The following KCNIP4 variants were observed in gnomAD, a reference collection of about 807,000 sequenced individuals.
KCNIP4 encodes the protein potassium voltage-gated channel interacting protein 4, also known as Kv channel-interacting protein 4.
In KCNIP4, 12 loss-of-function variants were observed where a neutral mutation model predicts 34.0. The observed-to-expected ratio is 0.35, with a 90% CI of 0.23 to 0.57. The LOEUF is 0.57. Among genes scored for constraint, KCNIP4 ranks in the 20% least tolerant of loss-of-function variants. The pLI is 0.83. For synonymous variants in KCNIP4, 124 were observed against 102.2 expected, an observed-to-expected ratio of 1.21 and a Z score of -1.29; for missense variants, 238 against 311.7, an observed-to-expected ratio of 0.76 and a Z score of 1.78.
chr4:21,878,540 C>A (rs1726275093), intron 1 of KCNIP4, among the ~76,000 whole-genome samples: 1 of 152,188 alleles, frequency 6.6e-6, no homozygotes. Flanking sequence ...TATGTACTTT[C>A]TCTGCAAATT....
chr4:21,241,349 A>G (rs568426143), intron 1 of KCNIP4, among the ~76,000 whole-genome samples: 1 of 152,308 alleles, frequency 6.6e-6, no homozygotes, highest in South Asian at 2.1e-4. Flanking sequence ...TTTTCTTTGC[A>G]ATCAGTTAAA....
At chr4:21,866,762 A>ATTTTTTTTTTTT (rs770568451) in intron 1 of KCNIP4, among the ~76,000 whole-genome samples, 1 of 82,698 alleles carries the variant, frequency 1.2e-5, no homozygotes, top group Non-Finnish European at 2.1e-5. Flanking sequence ...TTCAGCCTGG[A>ATTTTTTTTTTTT]TTTTTTTTTT....
intron 1 of KCNIP4, among the ~76,000 whole-genome samples, chr4:21,527,323 A>T (rs182401299): frequency 9.3e-4 from 142 of 152,244 alleles, no homozygotes; most frequent in African/African-American, 2.9e-3. Context: ...TATTTTTTTT[A>T]AAACAAGCAA....
intron 1 of KCNIP4, among the ~76,000 whole-genome samples, chr4:21,109,518 A>G (rs1033437811): frequency 1.3e-5 from 2 of 152,134 alleles, no homozygotes; most frequent in African/African-American, 4.8e-5. Flanking sequence ...CCTTTCTTTG[A>G]CTAGGAAAGG....
At chr4:20,914,905 T>C (rs1027823988) in intron 1 of KCNIP4, among the ~76,000 whole-genome samples, 2 of 152,208 alleles carry the variant, frequency 1.3e-5, no homozygotes, top group Admixed American at 6.5e-5. Flanking sequence ...GAAACCTGCC[T>C]TTGCACTAGG....
At chr4:20,738,093 G>A (rs1267355699) in intron 5 of KCNIP4, among the ~76,000 whole-genome samples, 1 of 151,022 alleles carries the variant, frequency 6.6e-6, no homozygotes, top group Non-Finnish European at 1.5e-5. Context: ...TTGCACCACT[G>A]TGCTTCAGCC....
chr4:21,879,529 G>A (rs982088514), intron 1 of KCNIP4, among the ~76,000 whole-genome samples: 5 of 152,168 alleles, frequency 3.3e-5, no homozygotes, highest in African/African-American at 4.8e-5. Context: ...TAACTCAATA[G>A]ATCGACTTCA....
At chr4:21,707,793 G>A (rs1713400025) in intron 1 of KCNIP4, among the ~76,000 whole-genome samples, 1 of 152,032 alleles carries the variant, frequency 6.6e-6, no homozygotes, top group Non-Finnish European at 1.5e-5. Context: ...AAAAAGGAAA[G>A]GTTGAGGGGT....
rs552099226 is a variant in KCNIP4 at position 20,899,592 on chromosome 4, A to C, written c.62-16883T>G. 2.6e-5 allele frequency among the ~76,000 whole-genome samples: 4 copies of C among 152,320 alleles called. No homozygotes were observed. The South Asian group carries it at 8.3e-4, about 32-fold the overall frequency. On this transcript the variant is annotated intron_variant, in intron 1 of 8. Transcript: ENST00000382152. The stretch of plus-strand genomic sequence containing the variant: ...CAAAGTGAAGTCACATTTTGTATGC[A>C]ATTTTGAAATAGGACCCTATAAATA...
intron 1 of KCNIP4, among the ~76,000 whole-genome samples, chr4:21,182,840 T>C (rs192729591): frequency 3.3e-5 from 5 of 152,272 alleles, no homozygotes; most frequent in Non-Finnish European, 7.4e-5. Context: ...TCAAGAGAGA[T>C]AATTTACATA....
intron 1 of KCNIP4, among the ~76,000 whole-genome samples, chr4:21,241,826 C>T (rs1482647068): frequency 2.1e-4 from 32 of 151,960 alleles, no homozygotes; most frequent in Admixed American, 2.0e-3. Context: ...AATATTTATC[C>T]GCAAAAACTG....
intron 1 of KCNIP4, among the ~76,000 whole-genome samples, chr4:21,412,673 G>A (rs1187902112): frequency 2.6e-5 from 4 of 152,132 alleles, no homozygotes; most frequent in Non-Finnish European, 4.4e-5. Flanking sequence ...ATATGTAGAT[G>A]CCTTTTAAAT....
At chr4:21,034,233 G>C (rs1408582453) in intron 1 of KCNIP4, among the ~76,000 whole-genome samples, 2 of 152,132 alleles carry the variant, frequency 1.3e-5, no homozygotes. Flanking sequence ...TAGAATTCTA[G>C]CAGAGAACAG....
chr4:20,908,476 A>G (rs944658094), intron 1 of KCNIP4, among the ~76,000 whole-genome samples: 3 of 152,190 alleles, frequency 2.0e-5, no homozygotes, highest in African/African-American at 7.2e-5. Flanking sequence ...CTATGCTGAA[A>G]ATTCATTTGG....
intron 1 of KCNIP4, among the ~76,000 whole-genome samples, chr4:20,910,960 A>G (rs1728273446): frequency 6.6e-6 from 1 of 152,170 alleles, no homozygotes; most frequent in Admixed American, 6.5e-5. Context: ...ATATTAAAAA[A>G]AGGGATATCT....
intron 1 of KCNIP4, among the ~76,000 whole-genome samples, chr4:21,035,182 C>A (rs943471512): frequency 3.3e-5 from 5 of 152,144 alleles, no homozygotes; most frequent in African/African-American, 1.2e-4. Context: ...CTAGTTGGTT[C>A]TTATTTTAAT....
In KCNIP4 at chr4:20,747,222, G is replaced by C. The variant is rs542469540; in HGVS notation, c.429+2440C>G. 8.5e-5 allele frequency among the ~76,000 whole-genome samples: 13 copies of C among 152,218 alleles called. No individual in the cohort carries two copies. In the East Asian group the frequency reaches 2.5e-3, roughly 29 times the overall value. On this transcript the variant is annotated intron_variant, in intron 5 of 8. Coordinates refer to ENST00000382152, the MANE Select transcript of KCNIP4 (RefSeq NM_025221.6). ...CATACTAAATTTACATATAAAATTG[G>C]ATATAATGTGCCCTAGGAAATTGGT...
intron 1 of KCNIP4, among the ~76,000 whole-genome samples, chr4:21,177,464 T>C (rs1326691133): frequency 2.0e-5 from 3 of 152,302 alleles, no homozygotes; most frequent in East Asian, 3.9e-4. Context: ...ATCTTCTTCA[T>C]AGCAGGGCTC....
At chr4:21,830,629 A>T (rs13112744) in intron 1 of KCNIP4, among the ~76,000 whole-genome samples, 187 of 152,212 alleles carry the variant, frequency 1.2e-3, no homozygotes, top group South Asian at 3.5e-3. Flanking sequence ...AACCAAGATC[A>T]TGCCACTACA....
Sources: allele counts gnomAD v4.1 joint callset (sites outside exome capture counted in the v4.1 genomes callset), GRCh38; gene constraint gnomAD v4.1.1; transcripts MANE v1.5; gene names NCBI Gene and HGNC (gene_info 2026-07-23, HGNC 2026-07-21).